Variants in STXBP4 observed in about 807,000 individuals in gnomAD.
STXBP4 encodes syntaxin-binding protein 4.
In STXBP4, 55 loss-of-function variants were observed where a neutral mutation model predicts 76.1. That is an observed-to-expected ratio of 0.72 (90% CI 0.58 to 0.91). STXBP4 has a LOEUF of 0.91. Among genes scored for constraint, STXBP4 ranks in the 40% least tolerant of loss-of-function variants. The probability of loss-of-function intolerance (pLI) is 0.00; values close to 1 mark genes in which losing one functional copy is unlikely to be tolerated. For synonymous variants in STXBP4, 201 were observed against 220.2 expected, an observed-to-expected ratio of 0.91 and a Z score of 0.77; for missense variants, 618 against 636.9, an observed-to-expected ratio of 0.97 and a Z score of 0.32.
chr17:55,073,215 C>A, intron 13 of STXBP4, 139 bp downstream of exon 13: 1 of 780,954 alleles, frequency 1.3e-6, no homozygotes, highest in Non-Finnish European at 2.0e-6. Flanking sequence ...GATGCTGTGT[C>A]CTGATGGGGA....
intron 16 of STXBP4, among the ~76,000 whole-genome samples, chr17:55,140,491 G>A (rs972778778): frequency 6.6e-6 from 1 of 152,064 alleles, no homozygotes; most frequent in Non-Finnish European, 1.5e-5. Context: ...AAAATCCTTA[G>A]CAGTACTTGG....
intron 10 of STXBP4, among the ~76,000 whole-genome samples, chr17:55,035,091 G>T (rs1335224479): frequency 6.6e-6 from 1 of 151,816 alleles, no homozygotes; most frequent in Non-Finnish European, 1.5e-5. Context: ...TTTTGCCATT[G>T]ATTTGAAATG....
At chr17:54,989,386 T>G (rs1285317949) in intron 3 of STXBP4, among the ~76,000 whole-genome samples, 1 of 152,212 alleles carries the variant, frequency 6.6e-6, no homozygotes, top group Admixed American at 6.5e-5. Context: ...TGAGCCACCA[T>G]GCCCAGCCAG....
At chr17:55,068,784 T>C (rs2144854658) in intron 12 of STXBP4, among the ~76,000 whole-genome samples, 1 of 152,256 alleles carries the variant, frequency 6.6e-6, no homozygotes, top group East Asian at 1.9e-4. Context: ...ATGAGCAAAC[T>C]GAGTCTTAGA....
the STXBP4 span, among the ~76,000 whole-genome samples, chr17:55,195,773 T>C: frequency 6.6e-6 from 1 of 152,200 alleles, no homozygotes; most frequent in Admixed American, 6.5e-5. Context: ...GGCTGTAAAC[T>C]TCTTGAGGGC....
chr17:55,185,321 CTCCTT>C, the STXBP4 span, among the ~76,000 whole-genome samples: 1 of 136,122 alleles, frequency 7.3e-6, no homozygotes, highest in Non-Finnish European at 1.6e-5. Flanking sequence ...CCTTCTCCTT[CTCCTT>C]CTCCTCCTCC....
chr17:55,089,719 G>C (rs761039423), intron 16 of STXBP4, among the ~76,000 whole-genome samples: 28 of 152,176 alleles, frequency 1.8e-4, no homozygotes, highest in African/African-American at 6.8e-4. Flanking sequence ...TTGACAAAAT[G>C]ATTATGTAAC....
rs371146645 is a variant in STXBP4, at chr17:55,072,943, G to A, written c.1055G>A (p.Arg352Gln). ...GAAGAAACAAGAGCCCTGCGTAGTC[G>A]GATTCATCTTGCTGAAGCTGCTCAG... The part of the protein sequence containing the change: ...VVEETRALRS[R>Q]IHLAEAAQRQ... The change falls in exon 13 of 18, where the codon CGG becomes CAG. Residue 352 changes from arginine (R) to glutamine (Q), a missense_variant. Physicochemically the swap from Arg to Gln is conservative, Grantham distance 43. Coordinates refer to ENST00000376352, the MANE Select transcript of STXBP4 (RefSeq NM_178509.6). 28 of 1,613,390 alleles carry A rather than the reference G, an allele frequency of 1.7e-5. 1 individual carries two copies. Among genetic ancestry groups the A allele is most frequent in the Middle Eastern group, 1.6e-4 (1 of 6,082 alleles).
chr17:55,141,357 T>G lies in STXBP4; in HGVS notation c.1537T>G (p.Tyr513Asp), dbSNP rs1348331111. ...EEAYTADGIK[Y>D]FINHVTQTTS... ...AGCTTACACAGCAGATGGAATCAAG[T>G]ACTTCATCAAGTAAGTACAAGCATC... The change falls in exon 17 of 18, where the codon TAC becomes GAC. Residue 513 changes from tyrosine to aspartate, a missense_variant. Tyr to Asp is a radical substitution (Grantham distance 160). Transcript: ENST00000376352. 6.2e-7 allele frequency: 1 copy of G among 1,611,980 alleles called. No individual in the cohort carries two copies. Among genetic ancestry groups the G allele is most frequent in the Non-Finnish European group, 8.5e-7 (1 of 1,178,958 alleles).
rs2080399265 is a variant in STXBP4, at chr17:55,170,350, A to G, written c.*10439A>G. 6.6e-6 allele frequency: 1 copy of G among 152,224 alleles called. No individual in the cohort carries two copies. Among genetic ancestry groups the G allele is most frequent in the South Asian group, 2.1e-4 (1 of 4,834 alleles). 9.4% of individuals were successfully genotyped at this position (152,224 alleles called of 1,614,324 possible). On this transcript the variant is annotated 3_prime_UTR_variant, in exon 18 of 18. Coordinates refer to ENST00000376352, the MANE Select transcript of STXBP4 (RefSeq NM_178509.6). The stretch of plus-strand genomic sequence containing the variant: ...ATGATACCAAGAAAGTATCACAATA[A>G]TAACATCAAGTGGTAATAACAGGAA...
the STXBP4 span, among the ~76,000 whole-genome samples, chr17:55,197,209 GA>G: frequency 6.6e-6 from 1 of 152,214 alleles, no homozygotes; most frequent in Non-Finnish European, 1.5e-5. Context: ...CTAATGTGCA[GA>G]CAAGATGGAG....
the STXBP4 span, among the ~76,000 whole-genome samples, chr17:55,197,874 A>G: frequency 1.6e-4 from 24 of 152,374 alleles, no homozygotes; most frequent in East Asian, 7.7e-4. Flanking sequence ...TTCCCTCAGC[A>G]TGGTGTTACC....
At chr17:55,208,417 T>C in the STXBP4 span, among the ~76,000 whole-genome samples, 1 of 152,130 alleles carries the variant, frequency 6.6e-6, no homozygotes, top group East Asian at 1.9e-4. Context: ...AATTTATCAT[T>C]CAAATCAGGA....
At chr17:55,092,980 GTTTTTTGTTTGTTT>G (rs1204546088) in intron 16 of STXBP4, among the ~76,000 whole-genome samples, 10 of 151,202 alleles carry the variant, frequency 6.6e-5, no homozygotes, top group African/African-American at 1.5e-4. Flanking sequence ...TTTGTTTTTT[GTTTTTTGTTTGTTT>G]TTTGTTTTTT....
At chr17:55,004,346 A>T (rs1479183326) in intron 7 of STXBP4, among the ~76,000 whole-genome samples, 3 of 152,150 alleles carry the variant, frequency 2.0e-5, no homozygotes, top group Non-Finnish European at 2.9e-5. Context: ...AGCAAATTGT[A>T]TTGATCCTTT....
At position 55,062,359 on chromosome 17, in the gene STXBP4, G is replaced by A. The variant is rs187384031; in HGVS notation, c.1012-10541G>A. Among the ~76,000 whole-genome samples the A allele has an allele frequency of 3.9e-5, 6 of 152,214 alleles. No individual in the cohort carries two copies. The East Asian group carries it at 1.2e-3, about 29-fold the overall frequency. ...GCAGTGTTTGGTTTTCTGTTCCTGTGTTAGTTTGCTGAGAATGATAATTTC... is the reference window on the plus strand; with the variant it reads ...GCAGTGTTTGGTTTTCTGTTCCTGTATTAGTTTGCTGAGAATGATAATTTC... On this transcript the variant is annotated intron_variant, in intron 12 of 17. Coordinates refer to ENST00000376352, the MANE Select transcript of STXBP4 (RefSeq NM_178509.6).
At chr17:55,078,908 T>C (rs1001224298) in intron 15 of STXBP4, among the ~76,000 whole-genome samples, 173 bp downstream of exon 15, 1 of 152,164 alleles carries the variant, frequency 6.6e-6, no homozygotes, top group Non-Finnish European at 1.5e-5. Flanking sequence ...GTGTCCCATC[T>C]CTGTTAAAGA....
chr17:54,998,975 T>C (rs1293827975), intron 4 of STXBP4, among the ~76,000 whole-genome samples: 1 of 152,180 alleles, frequency 6.6e-6, no homozygotes, highest in African/African-American at 2.4e-5. Context: ...GAGTTTTGTA[T>C]TGTGAAATAT....
intron 12 of STXBP4, among the ~76,000 whole-genome samples, chr17:55,071,651 C>A (rs1002271216): frequency 6.6e-6 from 1 of 152,060 alleles, no homozygotes; most frequent in East Asian, 1.9e-4. Flanking sequence ...TAGTGTCTAC[C>A]CCCAGTACCT....
Sources: gnomAD v4.1 joint callset for allele counts (sites outside exome capture counted in the v4.1 genomes callset) on GRCh38, gnomAD v4.1.1 for gene constraint, MANE v1.5 for transcripts, NCBI Gene and HGNC (gene_info 2026-07-23, HGNC 2026-07-21) for gene names.